RIN3: variants seen among roughly 807,000 people sequenced by gnomAD.
RIN3 encodes the protein Ras and Rab interactor 3, also known as RAB5 interacting protein 3.
A neutral mutation model predicts 76.3 loss-of-function variants in RIN3; 54 were observed. That is an observed-to-expected ratio of 0.71 (90% CI 0.57 to 0.89). The LOEUF (loss-of-function observed/expected upper bound fraction) is 0.89, where lower values mean the gene tolerates loss of function less well. Among genes scored for constraint, RIN3 ranks in the 40% least tolerant of loss-of-function variants. The probability of loss-of-function intolerance (pLI) is 0.00; values close to 1 mark genes in which losing one functional copy is unlikely to be tolerated. For synonymous variants in RIN3, 576 were observed against 564.0 expected (o/e 1.02, Z -0.30); for missense variants, 1,256 against 1,322.1 (o/e 0.95, Z 0.78).
Position 92,652,748 on chromosome 14 carries a change from G to A in RIN3, c.1699G>A (p.Val567Met), listed in dbSNP as rs149919482. Residue 567 changes from valine (V) to methionine (M), a missense_variant, in exon 6 of 10, where the codon GTG becomes ATG. Physicochemically the swap from Val to Met is conservative, Grantham distance 21. Transcript: ENST00000216487. This position sits in a 1 kb window ranked among gnomAD's most constrained non-coding sequence, Gnocchi z 6.4. Reference protein sequence around the residue: ...EELEQFSSPSVKKKPSMILGK... With the variant: ...EELEQFSSPSMKKKPSMILGK... Reference sequence around the variant, plus strand: ...GCTGGAGCAGTTCAGCAGCCCCAGCGTGAAGAAGAAGCCCTCCATGATCCT... The same window carrying A: ...GCTGGAGCAGTTCAGCAGCCCCAGCATGAAGAAGAAGCCCTCCATGATCCT... 5.5e-5 allele frequency: 89 copies of A among 1,613,876 alleles called. No individual in the cohort carries two copies. The highest frequency in any genetic ancestry group is 3.3e-4 in the Middle Eastern group (2 of 6,062).
intron 3 of RIN3, among the ~76,000 whole-genome samples, chr14:92,611,807 A>C (rs7161494): frequency 0.5 from 76,224 of 152,080 alleles, 19,957 homozygotes; most frequent in Admixed American, 0.61. Flanking sequence ...ATAAAGAAAG[A>C]GACTGGGTAA....
chr14:92,684,457 G>A (rs1287732518), intron 8 of RIN3, among the ~76,000 whole-genome samples: 5 of 150,116 alleles, frequency 3.3e-5, no homozygotes, highest in African/African-American at 4.9e-5. Context: ...GTAATGTATC[G>A]AATACTTTAC....
chr14:92,632,388 A>T (rs1020220562), intron 4 of RIN3, among the ~76,000 whole-genome samples: 6 of 152,154 alleles, frequency 3.9e-5, no homozygotes, highest in Non-Finnish European at 5.9e-5. Flanking sequence ...TACAGCAATA[A>T]CAGCTTTAGG....
intron 2 of RIN3, among the ~76,000 whole-genome samples, chr14:92,563,329 C>A (rs1321379225): frequency 6.6e-6 from 1 of 152,156 alleles, no homozygotes; most frequent in African/African-American, 2.4e-5. Context: ...CCACTGCACT[C>A]CAGCCTGGGC....
chr14:92,600,240 G>A (rs1885295656), intron 3 of RIN3, among the ~76,000 whole-genome samples: 1 of 152,214 alleles, frequency 6.6e-6, no homozygotes, highest in African/African-American at 2.4e-5. Flanking sequence ...AATGAATAAG[G>A]AAATTGAGAG....
chr14:92,557,446 C>T (rs1897623764), intron 2 of RIN3, among the ~76,000 whole-genome samples: 1 of 152,234 alleles, frequency 6.6e-6, no homozygotes. Flanking sequence ...CTCTCCCCTG[C>T]TGTGGTTGCA....
intron 8 of RIN3, 27 bp downstream of exon 8, chr14:92,676,633 G>C (rs373112024): frequency 6.2e-7 from 1 of 1,608,656 alleles, no homozygotes; most frequent in African/African-American, 1.3e-5. Flanking sequence ...TGCCCATCAG[G>C]TGCATTGCAC....
chr14:92,584,503 G>A (rs1027956418), intron 3 of RIN3, among the ~76,000 whole-genome samples: 3 of 152,176 alleles, frequency 2.0e-5, no homozygotes, highest in Admixed American at 6.5e-5. Context: ...AGCATTATGT[G>A]AACAACCATC....
In RIN3 at chr14:92,568,822, G is replaced by C. The variant is rs1396593759; in HGVS notation, c.250-8538G>C. Among the ~76,000 whole-genome samples the C allele has an allele frequency of 6.6e-6, 1 of 152,270 alleles. No individual in the cohort carries two copies. The highest frequency in any genetic ancestry group is 2.4e-5 in the African/African-American group (1 of 41,478). On this transcript the variant is annotated intron_variant, in intron 2 of 9. Transcript: ENST00000216487. This position sits in a 1 kb window ranked among gnomAD's most constrained non-coding sequence, Gnocchi z 4.2. ...CTGTGGCCATGCTGAAAGGGTGGGT[G>C]ATGGGTTCGGAGCTGGGGAGCTGGC...
In RIN3 at chr14:92,685,475, G is replaced by A. The variant is rs907826009; in HGVS notation, c.2631+325G>A. On this transcript the variant is annotated intron_variant, in intron 9 of 9. Transcript: ENST00000216487. The surrounding 1 kb of genome is among the most constrained non-coding windows in gnomAD (Gnocchi z 4.7). ...GCACCCTGCAGGGGCTGGAGATGGG[G>A]ACTTGTCATCCCAGTCCCTGCTTTA... 2.8e-4 allele frequency: 76 copies of A among 274,334 alleles called. No homozygotes were observed. The highest frequency in any genetic ancestry group is 1.4e-3 in the African/African-American group (68 of 47,114). The allele number at this position is 274,334 out of a possible 1,614,324, so 17.0% of individuals were successfully genotyped here.
At chr14:92,665,776 T>C (rs535319697) in intron 7 of RIN3, among the ~76,000 whole-genome samples, 3 of 151,622 alleles carry the variant, frequency 2.0e-5, no homozygotes, top group African/African-American at 7.3e-5. Context: ...TTTGTGTTTG[T>C]CAGATGTTTC....
intron 7 of RIN3, among the ~76,000 whole-genome samples, chr14:92,672,728 A>G (rs1222242050): frequency 1.2e-4 from 18 of 152,142 alleles, no homozygotes; most frequent in Admixed American, 1.2e-3. Context: ...GGTTTTCAGT[A>G]TATTTGCAAG....
chr14:92,577,286 C>T (rs964910561), intron 2 of RIN3, 74 bp from the exon 3 acceptor site: 4 of 975,376 alleles, frequency 4.1e-6, no homozygotes, highest in Non-Finnish European at 6.5e-6. Flanking sequence ...AGATGACTTC[C>T]ATCTCGTGGT....
At chr14:92,588,596 G>A (rs1385369123) in intron 3 of RIN3, among the ~76,000 whole-genome samples, 1 of 152,010 alleles carries the variant, frequency 6.6e-6, no homozygotes, top group Non-Finnish European at 1.5e-5. Flanking sequence ...CCACCCTCAT[G>A]ACTTAATCAG....
chr14:92,571,092 G>A (rs1898051732), intron 2 of RIN3, among the ~76,000 whole-genome samples: 1 of 152,172 alleles, frequency 6.6e-6, no homozygotes, highest in African/African-American at 2.4e-5. Context: ...CTGGTCCAAC[G>A]GTGTTCAAAT....
intron 3 of RIN3, among the ~76,000 whole-genome samples, chr14:92,611,843 C>G (rs1885750992): frequency 6.6e-6 from 1 of 152,180 alleles, no homozygotes. Context: ...GTTTAATTGA[C>G]TGTAGTTCTG....
chr14:92,646,707 C>T (rs747100735), intron 5 of RIN3, among the ~76,000 whole-genome samples: 14 of 152,186 alleles, frequency 9.2e-5, no homozygotes, highest in Admixed American at 2.6e-4. Context: ...TCCCAAAGTG[C>T]TGGGATTACA....
chr14:92,573,975 C>T (rs557278509), intron 2 of RIN3, among the ~76,000 whole-genome samples: 1 of 152,174 alleles, frequency 6.6e-6, no homozygotes, highest in African/African-American at 2.4e-5. Context: ...CCAGGCCTGG[C>T]GGAGGCATCT....
At chr14:92,612,178 C>CACCTGTTT (rs1885765756) in intron 3 of RIN3, among the ~76,000 whole-genome samples, 1 of 152,188 alleles carries the variant, frequency 6.6e-6, no homozygotes, top group Admixed American at 6.5e-5. Context: ...CAAACCATAT[C>CACCTGTTT]ACCTGTTTTA....
Sources: allele counts gnomAD v4.1 joint callset (sites outside exome capture counted in the v4.1 genomes callset), GRCh38; gene constraint gnomAD v4.1.1; non-coding constraint Gnocchi (gnomAD v3.1); transcripts MANE v1.5; gene names NCBI Gene and HGNC (gene_info 2026-07-23, HGNC 2026-07-21).